Variants in ZNF385D observed in about 807,000 individuals in gnomAD.
ZNF385D encodes zinc finger protein 659.
Under a neutral mutation model 35.8 loss-of-function variants are expected in ZNF385D, and 15 were observed. The observed-to-expected ratio is 0.42, with a 90% CI of 0.28 to 0.64. The LOEUF (loss-of-function observed/expected upper bound fraction) is 0.64. Among genes scored for constraint, ZNF385D ranks in the 30% least tolerant of loss-of-function variants. The pLI is 0.23. For synonymous variants in ZNF385D, 212 were observed against 186.8 expected, an observed-to-expected ratio of 1.13 and a Z score of -1.10; for missense variants, 474 against 494.6, an observed-to-expected ratio of 0.96 and a Z score of 0.39.
chr3:22,356,623 G>T (rs547592830), intron 2 of ZNF385D, among the ~76,000 whole-genome samples: 1 of 151,914 alleles, frequency 6.6e-6, no homozygotes, highest in Non-Finnish European at 1.5e-5. Context: ...AGTACTGTAC[G>T]AATATTAGAT....
chr3:21,913,863 C>T (rs1479277725), intron 3 of ZNF385D, among the ~76,000 whole-genome samples: 1 of 152,026 alleles, frequency 6.6e-6, no homozygotes, highest in Non-Finnish European at 1.5e-5. Flanking sequence ...ATTTCCTCAT[C>T]AGTAGTTGTT....
intron 3 of ZNF385D, among the ~76,000 whole-genome samples, chr3:21,796,543 T>A (rs1435661597): frequency 6.6e-6 from 1 of 151,838 alleles, no homozygotes; most frequent in African/African-American, 2.4e-5. Context: ...GATATCCACA[T>A]GCAAAAAAAA....
At chr3:21,689,130 CAAA>C (rs5847126) in intron 1 of ZNF385D, among the ~76,000 whole-genome samples, 10,480 of 114,432 alleles carry the variant, frequency 0.092, 353 homozygotes, top group East Asian at 0.14. Flanking sequence ...CTTATTGAAG[CAAA>C]AAAAAAAAAA....
chr3:21,636,727 C>T (rs565014252), intron 2 of ZNF385D, among the ~76,000 whole-genome samples: 4 of 151,880 alleles, frequency 2.6e-5, no homozygotes, highest in Non-Finnish European at 4.4e-5. Context: ...CCTTTGGCAA[C>T]ACCCTCGCAG....
chr3:22,165,429 T>C (rs988025457), intron 3 of ZNF385D, among the ~76,000 whole-genome samples: 5 of 152,292 alleles, frequency 3.3e-5, no homozygotes, highest in African/African-American at 1.2e-4. Context: ...AGCTGATCAG[T>C]TGCAAAATAA....
intron 3 of ZNF385D, among the ~76,000 whole-genome samples, chr3:21,902,495 C>T (rs897899914): frequency 5.9e-5 from 9 of 152,114 alleles, no homozygotes; most frequent in Non-Finnish European, 1.3e-4. Context: ...AGTTACATGA[C>T]TTTGTTTTCT....
At chr3:21,927,816 C>T (rs1388275413) in intron 3 of ZNF385D, among the ~76,000 whole-genome samples, 3 of 152,082 alleles carry the variant, frequency 2.0e-5, no homozygotes, top group Non-Finnish European at 4.4e-5. Context: ...AACAATAGAG[C>T]TCCAAAGAAT....
intron 3 of ZNF385D, among the ~76,000 whole-genome samples, chr3:21,967,106 C>T (rs962597700): frequency 1.3e-5 from 2 of 152,096 alleles, no homozygotes; most frequent in Non-Finnish European, 2.9e-5. Flanking sequence ...AAAATGTTTA[C>T]CTTTAACTTG....
intron 1 of ZNF385D, among the ~76,000 whole-genome samples, chr3:21,678,745 T>TA (rs1034268648): frequency 7.2e-5 from 11 of 152,212 alleles, no homozygotes; most frequent in African/African-American, 2.6e-4. Flanking sequence ...AAGCACGGCT[T>TA]CTGAAATTGG....
intron 4 of ZNF385D, among the ~76,000 whole-genome samples, chr3:21,457,397 C>T (rs112943537): frequency 0.023 from 3,502 of 152,038 alleles, 128 homozygotes; most frequent in African/African-American, 0.08. Context: ...GTTCTGTCAC[C>T]TAGGCTGGAG....
intron 3 of ZNF385D, among the ~76,000 whole-genome samples, chr3:22,128,173 T>C (rs1388342942): frequency 6.6e-6 from 1 of 152,206 alleles, no homozygotes; most frequent in African/African-American, 2.4e-5. Context: ...AGTTAAAAGT[T>C]TTTTTCCATC....
chr3:21,613,153 C>G (rs1165019956), intron 2 of ZNF385D, among the ~76,000 whole-genome samples: 1 of 151,918 alleles, frequency 6.6e-6, no homozygotes, highest in East Asian at 1.9e-4. Context: ...GAAGTTATTT[C>G]TGTAACAGCA....
At chr3:21,973,531 C>T (rs541717064) in intron 3 of ZNF385D, among the ~76,000 whole-genome samples, 8 of 152,030 alleles carry the variant, frequency 5.3e-5, no homozygotes, top group Non-Finnish European at 1.2e-4. Flanking sequence ...CCCACTTTCA[C>T]CACTGTTATT....
rs184503305 is a variant in ZNF385D, at chr3:22,185,355, C to A, written c.107-16320G>T. 9.2e-5 allele frequency among the ~76,000 whole-genome samples: 14 copies of A among 152,286 alleles called. 1 individual carries two copies. Among genetic ancestry groups the A allele is most frequent in the Admixed American group, 6.5e-4 (10 of 15,292 alleles). On this transcript the variant is annotated intron_variant, in intron 2 of 5. Transcript: ENST00000494108. Reference sequence around the variant, plus strand: ...CTCGTTAGTAAAACAACTATTATTGCAGGCTTAATGCAAGCTAAACTACAA... The same window carrying A: ...CTCGTTAGTAAAACAACTATTATTGAAGGCTTAATGCAAGCTAAACTACAA...
intron 4 of ZNF385D, among the ~76,000 whole-genome samples, chr3:21,480,404 G>A (rs1236673239): frequency 6.6e-6 from 1 of 151,976 alleles, no homozygotes; most frequent in African/African-American, 2.4e-5. Flanking sequence ...TGCCCAGCCT[G>A]AAAATTTTTA....
chr3:21,517,919 C>T (rs546145962), intron 3 of ZNF385D, among the ~76,000 whole-genome samples: 127 of 152,292 alleles, frequency 8.3e-4, no homozygotes, highest in African/African-American at 2.9e-3. Context: ...ATCTTAACAT[C>T]ATAGTGTGGG....
intron 4 of ZNF385D, among the ~76,000 whole-genome samples, chr3:21,505,962 C>T (rs1430410456): frequency 6.6e-6 from 1 of 152,092 alleles, no homozygotes; most frequent in Non-Finnish European, 1.5e-5. Flanking sequence ...CTCGAAGTAC[C>T]TATTCTCAGA....
chr3:21,743,341 T>C (rs1050828545), intron 1 of ZNF385D, among the ~76,000 whole-genome samples: 1 of 152,080 alleles, frequency 6.6e-6, no homozygotes, highest in Non-Finnish European at 1.5e-5. Flanking sequence ...TAAGCTTTAC[T>C]ATCTACACTA....
chr3:22,163,311 T>C (rs569749719), intron 3 of ZNF385D, among the ~76,000 whole-genome samples: 6 of 152,286 alleles, frequency 3.9e-5, no homozygotes, highest in African/African-American at 1.4e-4. Flanking sequence ...ATGCATTCTA[T>C]ATACCTTTAT....
Sources: gnomAD v4.1 joint callset for allele counts (sites outside exome capture counted in the v4.1 genomes callset) on GRCh38, gnomAD v4.1.1 for gene constraint, MANE v1.5 for transcripts, NCBI Gene and HGNC (gene_info 2026-07-23, HGNC 2026-07-21) for gene names.